SLC25A48: variants seen among roughly 807,000 people sequenced by gnomAD.
The protein encoded by SLC25A48 is CTC-321K16.1.
A neutral mutation model predicts 32.2 loss-of-function variants in SLC25A48; 29 were observed. The ratio of observed to expected loss-of-function variants is 0.90; its 90% confidence interval spans 0.67 to 1.23. SLC25A48 has a LOEUF of 1.23. Ranked by LOEUF, SLC25A48 falls within the 50% of genes most tolerant of loss-of-function variation. SLC25A48 has a pLI of 0.00. For synonymous variants in SLC25A48, 164 were observed against 172.3 expected (o/e 0.95, Z 0.38); for missense variants, 399 against 422.7 (o/e 0.94, Z 0.49).
chr5:135,654,204 G>A (rs771722425), intron 3 of SLC25A48, among the ~76,000 whole-genome samples: 3 of 152,110 alleles, frequency 2.0e-5, no homozygotes, highest in African/African-American at 7.2e-5. Context: ...CATGTATTAC[G>A]GCAATGGAAA....
At chr5:135,763,754 AACACACACATACACACACACACAC>A (rs1756122987) in intron 3 of SLC25A48, among the ~76,000 whole-genome samples, 1 of 145,898 alleles carries the variant, frequency 6.9e-6, no homozygotes, top group Non-Finnish European at 1.5e-5. Context: ...GAGAAATAGG[AACACACACATACACACACACACAC>A]ACACACACAC....
intron 3 of SLC25A48, among the ~76,000 whole-genome samples, chr5:135,760,845 G>T (rs1179145774): frequency 6.6e-6 from 1 of 152,138 alleles, no homozygotes; most frequent in African/African-American, 2.4e-5. Flanking sequence ...GTGTGTACGT[G>T]TGTATAACCC....
chr5:135,858,472 C>T (rs1315211776), intron 4 of SLC25A48, among the ~76,000 whole-genome samples: 2 of 152,194 alleles, frequency 1.3e-5, no homozygotes, highest in South Asian at 2.1e-4. Flanking sequence ...GGCTGAGTGG[C>T]CAGTGTTTAC....
intron 4 of SLC25A48, among the ~76,000 whole-genome samples, chr5:135,816,367 T>A (rs1308328161): frequency 6.6e-6 from 1 of 152,208 alleles, no homozygotes; most frequent in East Asian, 1.9e-4. Flanking sequence ...CTGTGTGTCA[T>A]CTAAAATCGT....
chr5:135,602,412 C>T (rs2126884617), intron 1 of SLC25A48, among the ~76,000 whole-genome samples: 1 of 152,274 alleles, frequency 6.6e-6, no homozygotes, highest in African/African-American at 2.4e-5. Context: ...TGCCCTAGTC[C>T]CCATAAATGG....
intron 3 of SLC25A48, among the ~76,000 whole-genome samples, chr5:135,754,956 C>T (rs1038935341): frequency 6.6e-6 from 1 of 151,720 alleles, no homozygotes; most frequent in Non-Finnish European, 1.5e-5. Context: ...AATGAAATAT[C>T]CCTCTTCTAT....
At chr5:135,752,814 GAT>G (rs1206640986) in intron 3 of SLC25A48, among the ~76,000 whole-genome samples, 1 of 151,938 alleles carries the variant, frequency 6.6e-6, no homozygotes, top group Non-Finnish European at 1.5e-5. Flanking sequence ...CACCCTCTGT[GAT>G]ATGAGTAATC....
chr5:135,785,807 A>C (rs1354129026), intron 3 of SLC25A48, among the ~76,000 whole-genome samples: 1 of 146,002 alleles, frequency 6.8e-6, no homozygotes, highest in Non-Finnish European at 1.5e-5. Context: ...AGAGGGTAAC[A>C]TTACTCCCCA....
intron 1 of SLC25A48, among the ~76,000 whole-genome samples, chr5:135,616,438 A>C (rs1752194763): frequency 6.6e-6 from 1 of 152,230 alleles, no homozygotes; most frequent in African/African-American, 2.4e-5. Flanking sequence ...ACATGGAGTC[A>C]AAGGAGATTA....
chr5:135,794,063 C>G (rs1201441733), intron 3 of SLC25A48, among the ~76,000 whole-genome samples: 1 of 151,850 alleles, frequency 6.6e-6, no homozygotes, highest in African/African-American at 2.4e-5. Flanking sequence ...TTGTACACCT[C>G]CCTTGTAATA....
intron 1 of SLC25A48, among the ~76,000 whole-genome samples, chr5:135,593,957 T>C (rs1428758137): frequency 6.6e-6 from 1 of 152,232 alleles, no homozygotes; most frequent in African/African-American, 2.4e-5. Context: ...ACTGAATGCT[T>C]TGTGACCACA....
intron 3 of SLC25A48, among the ~76,000 whole-genome samples, chr5:135,757,416 G>T (rs1486361150): frequency 6.9e-6 from 1 of 145,674 alleles, no homozygotes; most frequent in African/African-American, 2.5e-5. Flanking sequence ...AACACACTAT[G>T]ATATTGATAA....
chr5:135,595,556 A>G (rs1751629880), intron 1 of SLC25A48, among the ~76,000 whole-genome samples: 2 of 152,196 alleles, frequency 1.3e-5, no homozygotes, highest in African/African-American at 4.8e-5. Flanking sequence ...TTTGCTGGGT[A>G]GACATAACAT....
chr5:135,646,165 T>A (rs1490655147), intron 3 of SLC25A48, among the ~76,000 whole-genome samples: 3 of 152,158 alleles, frequency 2.0e-5, no homozygotes, highest in African/African-American at 7.2e-5. Context: ...TAGGAAAGAA[T>A]TTAATTTCCC....
intron 2 of SLC25A48, among the ~76,000 whole-genome samples, chr5:135,845,134 G>T (rs1260315864): frequency 6.6e-6 from 1 of 152,252 alleles, no homozygotes; most frequent in Non-Finnish European, 1.5e-5. Context: ...GCCTTCTGGA[G>T]GCTCCGAGGG....
chr5:135,794,804 C>A (rs892407058), intron 3 of SLC25A48, among the ~76,000 whole-genome samples: 1 of 151,730 alleles, frequency 6.6e-6, no homozygotes, highest in Non-Finnish European at 1.5e-5. Context: ...GGGGTAGACA[C>A]TCCCCACATA....
intron 3 of SLC25A48, among the ~76,000 whole-genome samples, chr5:135,765,851 G>T (rs1756202792): frequency 6.6e-6 from 1 of 151,098 alleles, no homozygotes; most frequent in Non-Finnish European, 1.5e-5. Context: ...CCAGAAAGGA[G>T]AGGGGGATAC....
chr5:135,733,313 G>T (rs1052605825), intron 3 of SLC25A48, among the ~76,000 whole-genome samples: 7 of 152,186 alleles, frequency 4.6e-5, no homozygotes, highest in Non-Finnish European at 7.3e-5. Context: ...AGTAAAGAAG[G>T]AAATGTGGGG....
At chr5:135,880,244 T>C (rs1581065267) in intron 7 of SLC25A48, 147 bp downstream of exon 7, 1 of 1,213,008 alleles carries the variant, frequency 8.2e-7, no homozygotes, top group Middle Eastern at 2.5e-4. Flanking sequence ...GCCACCCTTT[T>C]CGTCACCAAA....
Sources: gnomAD v4.1 joint callset for allele counts (sites outside exome capture counted in the v4.1 genomes callset) on GRCh38, gnomAD v4.1.1 for gene constraint, MANE v1.5 for transcripts, NCBI Gene and HGNC (gene_info 2026-07-23, HGNC 2026-07-21) for gene names.